FSTL5: variants seen among roughly 807,000 people sequenced by gnomAD.
The protein encoded by FSTL5 is follistatin like 5.
A neutral mutation model predicts 89.1 loss-of-function variants in FSTL5; 62 were observed. The ratio of observed to expected loss-of-function variants is 0.70; its 90% CI spans 0.57 to 0.86. The LOEUF (loss-of-function observed/expected upper bound fraction) is 0.86. Ranked by LOEUF, FSTL5 falls within the 40% of genes least tolerant of loss-of-function variation. The pLI is 0.00. For missense variants in FSTL5, 1,057 were observed against 1,001.6 expected (o/e 1.06, Z -0.75); for synonymous variants, 383 against 346.2 (o/e 1.11, Z -1.18).
At chr4:162,035,364 G>C (rs1737695282) in intron 2 of FSTL5, 1 of 152,006 alleles carries the variant, frequency 6.6e-6, no homozygotes, top group Non-Finnish European at 1.5e-5. Context: ...TGTAGCCACA[G>C]GGATAAATTG....
At chr4:161,668,205 T>C (rs1032917892) in intron 6 of FSTL5, among the ~76,000 whole-genome samples, 4 of 152,224 alleles carry the variant, frequency 2.6e-5, no homozygotes, top group Middle Eastern at 3.4e-3. Flanking sequence ...ACAGATCCCA[T>C]AGACATTTAA....
intron 15 of FSTL5, among the ~76,000 whole-genome samples, chr4:161,407,352 A>T (rs1356751083): frequency 6.6e-6 from 1 of 152,166 alleles, no homozygotes; most frequent in African/African-American, 2.4e-5. Context: ...CACCAACATA[A>T]TTTGAACAGA....
chr4:161,943,905 A>G (rs1734666155), intron 3 of FSTL5, among the ~76,000 whole-genome samples: 1 of 151,916 alleles, frequency 6.6e-6, no homozygotes, highest in South Asian at 2.1e-4. Flanking sequence ...TTTCCTTTCC[A>G]TTAAGTTCTC....
intron 8 of FSTL5, among the ~76,000 whole-genome samples, chr4:161,575,653 C>T (rs1733183624): frequency 6.6e-6 from 1 of 151,956 alleles, no homozygotes; most frequent in African/African-American, 2.4e-5. Context: ...AGGGTTTCAC[C>T]ATCTTGGCCA....
At chr4:161,977,176 G>C (rs1282486638) in intron 3 of FSTL5, among the ~76,000 whole-genome samples, 4 of 152,178 alleles carry the variant, frequency 2.6e-5, no homozygotes, top group Non-Finnish European at 5.9e-5. Context: ...ATTGCTGCAA[G>C]TTGGTAACTG....
intron 6 of FSTL5, among the ~76,000 whole-genome samples, chr4:161,664,130 G>A (rs1466679866): frequency 2.0e-5 from 3 of 152,192 alleles, no homozygotes; most frequent in South Asian, 2.1e-4. Context: ...GACGGGCTGC[G>A]GTGAAGGTCT....
chr4:161,892,082 A>G (rs1579172890), intron 4 of FSTL5, among the ~76,000 whole-genome samples: 1 of 151,932 alleles, frequency 6.6e-6, no homozygotes, highest in African/African-American at 2.4e-5. Context: ...TGCATCTAGA[A>G]TTATGTTTTC....
intron 4 of FSTL5, among the ~76,000 whole-genome samples, chr4:161,817,404 G>A (rs1463500547): frequency 6.6e-6 from 1 of 152,142 alleles, no homozygotes; most frequent in Non-Finnish European, 1.5e-5. Flanking sequence ...CAATCTCAAG[G>A]AACAGCTCAA....
At chr4:161,450,894 C>T (rs546762579) in intron 15 of FSTL5, among the ~76,000 whole-genome samples, 1 of 152,044 alleles carries the variant, frequency 6.6e-6, no homozygotes, top group South Asian at 2.1e-4. Context: ...CAGGCGCCCA[C>T]CACCACGCCT....
rs189245195 is a variant in FSTL5 at position 161,422,021 on chromosome 4, C to T, written c.1841+32983G>A. Among the ~76,000 whole-genome samples the T allele has an allele frequency of 9.0e-3, 1,367 of 151,740 alleles. 3 individuals are homozygous for T. The highest frequency in any genetic ancestry group is 0.016 in the Non-Finnish European group (1,077 of 67,954). On this transcript the variant is annotated intron_variant, in intron 15 of 15. Transcript: ENST00000306100. ...CTTTATATATTCATATATTCAATAC[C>T]TTATATGTGCTATGTATATTATATA... is the stretch of plus-strand genomic sequence containing the variant.
intron 8 of FSTL5, 53 bp downstream of exon 8, chr4:161,587,402 T>C: frequency 2.5e-6 from 4 of 1,580,604 alleles, no homozygotes; most frequent in Non-Finnish European, 3.5e-6. Context: ...CTTCACTTCC[T>C]AGTAAACTAT....
chr4:161,793,559 T>C (rs1246019574), intron 4 of FSTL5, among the ~76,000 whole-genome samples: 1 of 152,120 alleles, frequency 6.6e-6, no homozygotes, highest in Non-Finnish European at 1.5e-5. Context: ...TTTTTTTCTT[T>C]TATTGAAATA....
At chr4:161,595,769 A>G (rs532175724) in intron 7 of FSTL5, among the ~76,000 whole-genome samples, 1 of 152,114 alleles carries the variant, frequency 6.6e-6, no homozygotes, top group African/African-American at 2.4e-5. Flanking sequence ...GTTTTTAACC[A>G]TATTGTTTAG....
intron 6 of FSTL5, among the ~76,000 whole-genome samples, chr4:161,697,116 C>A (rs951605384): frequency 6.6e-6 from 1 of 152,230 alleles, no homozygotes; most frequent in Admixed American, 6.5e-5. Context: ...CTCCATAGCA[C>A]AAAGTGCTGT....
At chr4:161,599,283 A>G (rs1734144784) in intron 7 of FSTL5, among the ~76,000 whole-genome samples, 2 of 152,170 alleles carry the variant, frequency 1.3e-5, no homozygotes, top group Non-Finnish European at 1.5e-5. Flanking sequence ...TTACAAAACT[A>G]AAATGCCTAA....
intron 15 of FSTL5, among the ~76,000 whole-genome samples, chr4:161,432,799 G>A (rs766978193): frequency 5.9e-5 from 9 of 151,880 alleles, no homozygotes; most frequent in Non-Finnish European, 1.3e-4. Flanking sequence ...GTTACTGTGA[G>A]CAACTATATG....
At chr4:161,796,956 T>A (rs1234964887) in intron 4 of FSTL5, among the ~76,000 whole-genome samples, 5 of 151,636 alleles carry the variant, frequency 3.3e-5, no homozygotes, top group Non-Finnish European at 7.4e-5. Flanking sequence ...ATACTGCTAC[T>A]AAATAAGTTA....
At chr4:161,626,759 C>T (rs1735330711) in intron 7 of FSTL5, among the ~76,000 whole-genome samples, 1 of 152,146 alleles carries the variant, frequency 6.6e-6, no homozygotes, top group Admixed American at 6.5e-5. Flanking sequence ...CCGTTAAGAA[C>T]ATTCATGATT....
intron 1 of FSTL5, among the ~76,000 whole-genome samples, chr4:162,142,495 TAAAG>T (rs1269261836): frequency 6.6e-6 from 1 of 152,040 alleles, no homozygotes; most frequent in Admixed American, 6.6e-5. Context: ...TGGCATAAAA[TAAAG>T]AAGAGAAACA....
Sources: allele counts gnomAD v4.1 joint callset (sites outside exome capture counted in the v4.1 genomes callset), GRCh38; gene constraint gnomAD v4.1.1; transcripts MANE v1.5; gene names NCBI Gene and HGNC (gene_info 2026-07-23, HGNC 2026-07-21).